GABARAP: variants seen among roughly 807,000 people sequenced by gnomAD.
GABARAP encodes gamma-aminobutyric acid receptor-associated protein.
Under a neutral mutation model 16.7 loss-of-function variants are expected in GABARAP, and 5 were observed. That is an observed-to-expected ratio of 0.30 (90% CI 0.16 to 0.63). The LOEUF is 0.63. Among genes scored for constraint, GABARAP ranks in the 20% least tolerant of loss-of-function variants. The probability of loss-of-function intolerance (pLI) is 0.82; values close to 1 mark genes in which losing one functional copy is unlikely to be tolerated. For missense variants in GABARAP, 84 were observed against 146.6 expected (o/e 0.57, Z 2.21); for synonymous variants, 45 against 52.7 (o/e 0.85, Z 0.64).
chr17:7,242,374 AG>A lies in GABARAP; in HGVS notation c.-45del, dbSNP rs765202168. ...GGACAGGGCTGGGCTGAGGGAACCC[AG>A]GGGGGCCGGGACGGGGGGCGGCGAC... On this transcript the variant is annotated 5_prime_UTR_variant, in exon 1 of 4. Coordinates refer to ENST00000302386, the MANE Select transcript of GABARAP (RefSeq NM_007278.2). The A allele has an allele frequency of 3.1e-6, 4 of 1,273,942 alleles. No individual in the cohort carries two copies. The highest frequency in any genetic ancestry group is 2.8e-5 in the East Asian group (1 of 35,580). 78.9% of individuals were successfully genotyped at this position (1,273,942 alleles called of 1,614,324 possible). A position where few individuals can be genotyped will look rare whatever the true frequency, so the allele number is the denominator to read the frequency against.
Position 7,242,348 on chromosome 17 carries a change from T to C in GABARAP, c.-18A>G. 3 of 1,595,410 alleles carry C rather than the reference T, an allele frequency of 1.9e-6. No homozygotes were observed. Among genetic ancestry groups the C allele is most frequent in the Non-Finnish European group, 2.6e-6 (3 of 1,163,326 alleles). On this transcript the variant is annotated 5_prime_UTR_variant, in exon 1 of 4. Transcript: ENST00000302386. ...AACTTCATCCTCCCGGGAACCGGGC[T>C]GGACAGGGCTGGGCTGAGGGAACCC...
chr17:7,242,378 G>C lies in GABARAP; in HGVS notation c.-48C>G. 1 of 1,411,808 alleles carries C rather than the reference G, an allele frequency of 7.1e-7. No homozygotes were observed. Among genetic ancestry groups the C allele is most frequent in the Non-Finnish European group, 1.0e-6 (1 of 1,003,084 alleles). The allele number at this position is 1,411,808 out of a possible 1,614,324, so 87.5% of individuals were successfully genotyped here. On this transcript the variant is annotated 5_prime_UTR_variant, in exon 1 of 4. Coordinates refer to ENST00000302386, the MANE Select transcript of GABARAP (RefSeq NM_007278.2). ...AGGGCTGGGCTGAGGGAACCCAGGG[G>C]GGCCGGGACGGGGGGCGGCGACGAC...
rs553657174 is a variant in GABARAP, at chr17:7,242,223, C to T, written c.90+18G>A. 161 of 1,594,344 alleles carry T rather than the reference C, an allele frequency of 1.0e-4. No individual in the cohort carries two copies. The highest frequency in any genetic ancestry group is 1.3e-4 in the Non-Finnish European group (156 of 1,162,442). On this transcript the variant is annotated intron_variant, in intron 1 of 3. Transcript: ENST00000302386. ...AGCGTAAGCGTCCCGCGCCCTCGGCCCTGGCTACTGTCCTCACCGGCACCC... is the reference window on the plus strand; with the variant it reads ...AGCGTAAGCGTCCCGCGCCCTCGGCTCTGGCTACTGTCCTCACCGGCACCC...
chr17:7,240,841 AG>A lies in GABARAP; in HGVS notation c.*12del, dbSNP rs1403116835. ...GTAGAATGAGACCCCCCTCCAGCTCAGGGGCAGCAGCTTCACAGACCGTAGA... is the reference window on the plus strand; with the variant it reads ...GTAGAATGAGACCCCCCTCCAGCTCAGGGCAGCAGCTTCACAGACCGTAGA... On this transcript the variant is annotated 3_prime_UTR_variant, in exon 4 of 4. Coordinates refer to ENST00000302386, the MANE Select transcript of GABARAP (RefSeq NM_007278.2). 54 of 1,595,164 alleles carry A rather than the reference AG, an allele frequency of 3.4e-5. No individual in the cohort carries two copies. The highest frequency in any genetic ancestry group is 4.3e-5 in the Non-Finnish European group (50 of 1,163,216).
At chr17:7,240,950 C>T (rs1280342081) in intron 3 of GABARAP, 31 bp from the exon 4 acceptor site, 2 of 1,529,474 alleles carry the variant, frequency 1.3e-6, no homozygotes, top group Admixed American at 3.3e-5. Flanking sequence ...TGTTCAGCAA[C>T]TGGGCTCCAG....
In GABARAP at chr17:7,240,996, T is replaced by C. The variant is rs1045987063; in HGVS notation, c.289-77A>G. On this transcript the variant is annotated intron_variant, in intron 3 of 3. Coordinates refer to ENST00000302386, the MANE Select transcript of GABARAP (RefSeq NM_007278.2). ...CAACCACGACCCAGACACGTTCTTC[T>C]AGAACCACAAACCATTGCCTGACTC... 3.2e-6 allele frequency: 3 copies of C among 932,384 alleles called. No homozygotes were observed. In the African/African-American group the frequency reaches 4.8e-5, roughly 15 times the overall value. 57.8% of individuals were successfully genotyped at this position (932,384 alleles called of 1,614,324 possible). A position where few individuals can be genotyped will look rare whatever the true frequency, so the allele number is the denominator to read the frequency against.
chr17:7,241,613 A>C lies in GABARAP; in HGVS notation c.157T>G (p.Ser53Ala), dbSNP rs774031893. 6.2e-7 allele frequency: 1 copy of C among 1,610,056 alleles called. No individual in the cohort carries two copies. Among genetic ancestry groups the C allele is most frequent in the South Asian group, 1.1e-5 (1 of 91,032 alleles). The change falls in exon 2 of 4, where the codon TCT becomes GCT. Residue 53 changes from serine (S) to alanine (A), a missense_variant. Coordinates refer to ENST00000302386, the MANE Select transcript of GABARAP (RefSeq NM_007278.2). The part of the protein sequence containing the change: ...DLDKKKYLVP[S>A]DLTVGQFYFL... ...ATCAGGTTCCCACCTGTGAGATCAG[A>C]AGGCACCAGGTATTTCTTTTTGTCC...
In GABARAP at chr17:7,242,338, G is replaced by A. The variant is rs200745072; in HGVS notation, c.-8C>T. On this transcript the variant is annotated 5_prime_UTR_variant, in exon 1 of 4. Coordinates refer to ENST00000302386, the MANE Select transcript of GABARAP (RefSeq NM_007278.2). The stretch of plus-strand genomic sequence containing the variant: ...TTTGTACACGAACTTCATCCTCCCG[G>A]GAACCGGGCTGGACAGGGCTGGGCT... 1.1e-4 allele frequency: 175 copies of A among 1,611,838 alleles called. 1 individual carries two copies. In the African/African-American group the frequency reaches 2.1e-3, roughly 20 times the overall value.
In GABARAP at chr17:7,240,875, G is replaced by A. The variant is rs762695466; in HGVS notation, c.333C>T (p.Asp111=). Residue 111 remains aspartate (D), a synonymous_variant, in exon 4 of 4, where the codon GAC becomes GAT. Transcript: ENST00000302386. ...EDFFLYIAYS[D]ESVYGL is the part of the protein sequence containing the mutation. ...AGCTTCACAGACCGTAGACACTTTC[G>A]TCACTGTAGGCAATGTAGAGAAAGA... 10 of 1,612,426 alleles carry A rather than the reference G, an allele frequency of 6.2e-6. No homozygotes were observed. The East Asian group carries it at 8.9e-5, about 14-fold the overall frequency.
Position 7,240,881 on chromosome 17 carries a change from G to A in GABARAP, c.327C>T (p.Tyr109=). Residue 109 remains tyrosine (Y), a synonymous_variant, in exon 4 of 4, where the codon TAC becomes TAT. Coordinates refer to ENST00000302386, the MANE Select transcript of GABARAP (RefSeq NM_007278.2). ...HEEDFFLYIA[Y]SDESVYGL The stretch of plus-strand genomic sequence containing the variant: ...ACAGACCGTAGACACTTTCGTCACT[G>A]TAGGCAATGTAGAGAAAGAAGTCTT... 6.2e-7 allele frequency: 1 copy of A among 1,612,868 alleles called. No individual in the cohort carries two copies.
In GABARAP at chr17:7,241,469, G is replaced by C. The variant is rs2071777643; in HGVS notation, c.170-9C>G. The C allele has an allele frequency of 6.9e-7, 1 of 1,449,528 alleles. No individual in the cohort carries two copies. The highest frequency in any genetic ancestry group is 9.7e-7 in the Non-Finnish European group (1 of 1,029,716). 89.8% of individuals were successfully genotyped at this position (1,449,528 alleles called of 1,614,324 possible). On this transcript the variant is annotated splice_polypyrimidine_tract_variant and intron_variant, in intron 2 of 3. Transcript: ENST00000302386. Reference sequence around the variant, plus strand: ...GAAGTAGAACTGACCAACTGCAAAAGATACAAGATGCAAGAAAGTCACAGA... The same window carrying C: ...GAAGTAGAACTGACCAACTGCAAAACATACAAGATGCAAGAAAGTCACAGA...
chr17:7,242,171 C>CA, intron 1 of GABARAP, 70 bp downstream of exon 1: 2 of 1,107,342 alleles, frequency 1.8e-6, no homozygotes, highest in Admixed American at 2.2e-5. Context: ...CGCTGCCTGT[C>CA]CCGATCCAAG....
At chr17:7,240,957 C>T (rs1198477863) in intron 3 of GABARAP, 38 bp from the exon 4 acceptor site, 1 of 1,463,036 alleles carries the variant, frequency 6.8e-7, no homozygotes, top group Admixed American at 1.7e-5. Context: ...CAACTGGGCT[C>T]CAGTAACTTA....
Position 7,240,159 on chromosome 17 carries a change from A to AT in GABARAP, c.*694dup, listed in dbSNP as rs908226974. ...AAAAAAAATTTTTTTTTACATGAGCATTTTTAACATTTAGTTTCACATGCG... is the reference window on the plus strand; with the variant it reads ...AAAAAAAATTTTTTTTTACATGAGCATTTTTTAACATTTAGTTTCACATGCG... On this transcript the variant is annotated 3_prime_UTR_variant, in exon 4 of 4. Coordinates refer to ENST00000302386, the MANE Select transcript of GABARAP (RefSeq NM_007278.2). 2.6e-5 allele frequency: 4 copies of AT among 152,198 alleles called. No homozygotes were observed. The highest frequency in any genetic ancestry group is 4.4e-5 in the Non-Finnish European group (3 of 68,028). The allele number at this position is 152,198 out of a possible 1,614,324, so 9.4% of individuals were successfully genotyped here.
At chr17:7,242,030 G>A in intron 1 of GABARAP, 2 of 600,416 alleles carry the variant, frequency 3.3e-6, no homozygotes, top group East Asian at 2.8e-5. Flanking sequence ...CAAATGCTAA[G>A]GTTTCTCTCT....
rs761744615 is a variant in GABARAP at position 7,242,373 on chromosome 17, CA to C, written c.-44del. On this transcript the variant is annotated 5_prime_UTR_variant, in exon 1 of 4. Transcript: ENST00000302386. ...TGGACAGGGCTGGGCTGAGGGAACC[CA>C]GGGGGGCCGGGACGGGGGGCGGCGA... 5.0e-5 allele frequency: 75 copies of C among 1,488,316 alleles called. No individual in the cohort carries two copies. The highest frequency in any genetic ancestry group is 6.4e-5 in the Non-Finnish European group (68 of 1,070,360). 92.2% of individuals were successfully genotyped at this position (1,488,316 alleles called of 1,614,324 possible).
chr17:7,241,738 C>G, intron 1 of GABARAP, 59 bp from the exon 2 acceptor site: 1 of 981,084 alleles, frequency 1.0e-6, no homozygotes, highest in South Asian at 1.3e-5. Context: ...CTGCACCTGT[C>G]AAGAACTCAA....
rs112547582 is a variant in GABARAP at position 7,241,472 on chromosome 17, A to T, written c.170-12T>A. On this transcript the variant is annotated splice_polypyrimidine_tract_variant and intron_variant, in intron 2 of 3. Coordinates refer to ENST00000302386, the MANE Select transcript of GABARAP (RefSeq NM_007278.2). ...GTAGAACTGACCAACTGCAAAAGAT[A>T]CAAGATGCAAGAAAGTCACAGAGGT... 51 of 1,441,998 alleles carry T rather than the reference A, an allele frequency of 3.5e-5. No homozygotes were observed. The African/African-American group carries it at 5.9e-4, about 17-fold the overall frequency. 89.3% of individuals were successfully genotyped at this position (1,441,998 alleles called of 1,614,324 possible).
chr17:7,242,214 G>A (rs768397822), intron 1 of GABARAP, 27 bp downstream of exon 1: 3 of 1,540,290 alleles, frequency 1.9e-6, no homozygotes, highest in Admixed American at 1.7e-5. Context: ...AGCGTCCCGC[G>A]CCCTCGGCCC....
Sources: allele counts gnomAD v4.1 joint callset, GRCh38; gene constraint gnomAD v4.1.1; transcripts MANE v1.5; gene names NCBI Gene and HGNC (gene_info 2026-07-23, HGNC 2026-07-21).